The following CCDC18 variants were observed in gnomAD, a reference collection of about 807,000 sequenced individuals.
CCDC18 encodes coiled-coil domain-containing protein 18.
Under a neutral mutation model 196.0 loss-of-function variants are expected in CCDC18, and 157 were observed. That is an observed-to-expected ratio of 0.80 (90% confidence interval 0.70 to 0.91). The LOEUF (loss-of-function observed/expected upper bound fraction) is 0.91. Among genes scored for constraint, CCDC18 ranks in the 40% least tolerant of loss-of-function variants. The pLI, the probability that CCDC18 is intolerant of heterozygous loss-of-function variation, is 0.00. For missense variants in CCDC18, 1,465 were observed against 1,611.6 expected, an observed-to-expected ratio of 0.91 and a Z score of 1.56; for synonymous variants, 482 against 529.2, an observed-to-expected ratio of 0.91 and a Z score of 1.22.
upstream of CCDC18, chr1:93,180,593 T>G (rs762729646): frequency 8.0e-6 from 11 of 1,376,462 alleles, no homozygotes; most frequent in Non-Finnish European, 1.1e-5. Flanking sequence ...CCGGGCGGGC[T>G]CCGCTAGTGG....
At chr1:93,221,352 T>C (rs1338878905) in intron 14 of CCDC18, among the ~76,000 whole-genome samples, 1 of 152,178 alleles carries the variant, frequency 6.6e-6, no homozygotes, top group Admixed American at 6.5e-5. Context: ...CATTGTGGTT[T>C]CGATTTGCAT....
chr1:93,194,599 T>C (rs1012953153), intron 6 of CCDC18, among the ~76,000 whole-genome samples: 1 of 152,108 alleles, frequency 6.6e-6, no homozygotes, highest in Non-Finnish European at 1.5e-5. Context: ...TTGATATGGA[T>C]AGAAATGAAG....
chr1:93,266,130 AT>A (rs1664470665), intron 27 of CCDC18, among the ~76,000 whole-genome samples: 1 of 152,238 alleles, frequency 6.6e-6, no homozygotes, highest in Admixed American at 6.5e-5. Flanking sequence ...AGAACTCAGG[AT>A]TAAGAAACTC....
At chr1:93,240,183 T>A (rs1249794679) in intron 21 of CCDC18, among the ~76,000 whole-genome samples, 1 of 152,200 alleles carries the variant, frequency 6.6e-6, no homozygotes, top group Non-Finnish European at 1.5e-5. Context: ...ATAATGATAA[T>A]ATTGTTCTTT....
At chr1:93,198,420 T>C (rs529040025) in intron 6 of CCDC18, among the ~76,000 whole-genome samples, 1 of 152,286 alleles carries the variant, frequency 6.6e-6, no homozygotes, top group African/African-American at 2.4e-5. Context: ...AAAATTAACA[T>C]ATGTTGTTAA....
chr1:93,230,540 A>G (rs1024224662), intron 17 of CCDC18, among the ~76,000 whole-genome samples: 6 of 152,092 alleles, frequency 3.9e-5, no homozygotes, highest in Non-Finnish European at 8.8e-5. Flanking sequence ...AGGTCAGTAC[A>G]ATGAAATGTC....
intron 6 of CCDC18, among the ~76,000 whole-genome samples, chr1:93,196,229 GA>G (rs1330229402): frequency 6.6e-6 from 1 of 152,098 alleles, no homozygotes; most frequent in African/African-American, 2.4e-5. Context: ...AGGTTAAGGT[GA>G]AAGGGATTGC....
At position 93,217,858 on chromosome 1, in the gene CCDC18, C is replaced by T; in HGVS notation, c.1951C>T (p.Gln651Ter). 1 of 1,609,504 alleles carries T rather than the reference C, an allele frequency of 6.2e-7. No individual in the cohort carries two copies. Among genetic ancestry groups the T allele is most frequent in the Non-Finnish European group, 8.5e-7 (1 of 1,177,448 alleles). ...HLEQHKEMEK[Q>*]IERLEAQLEK... is the part of the protein sequence containing the mutation. ...GGAACAGCATAAAGAAATGGAAAAG[C>T]AGATTGAAAGAGTAAGTAATACATA... The change falls in exon 14 of 29, where the codon CAG (glutamine) becomes TAG (stop). Residue 651 changes from glutamine to a stop codon, truncating the protein, a stop_gained. Transcript: ENST00000690025. LOFTEE classifies it high-confidence loss of function.
upstream of CCDC18, chr1:93,180,368 C>CGAG (rs1649309475): frequency 2.3e-6 from 3 of 1,315,834 alleles, no homozygotes; most frequent in African/African-American, 4.6e-5. Flanking sequence ...AGGTGGCGGC[C>CGAG]GCGGCGGCGG....
intron 18 of CCDC18, among the ~76,000 whole-genome samples, chr1:93,235,669 T>TA (rs993870653): frequency 3.3e-5 from 5 of 152,036 alleles, no homozygotes; most frequent in African/African-American, 1.2e-4. Flanking sequence ...ATGCTAATAT[T>TA]AAAAAAACAG....
At chr1:93,269,854 T>A (rs1665060374) in intron 27 of CCDC18, 1 of 152,222 alleles carries the variant, frequency 6.6e-6, no homozygotes, top group Non-Finnish European at 1.5e-5. Context: ...TATTAAAAAT[T>A]TATCACTTTA....
chr1:93,242,224 G>C (rs1660891621), intron 21 of CCDC18, among the ~76,000 whole-genome samples: 2 of 152,104 alleles, frequency 1.3e-5, no homozygotes, highest in Non-Finnish European at 2.9e-5. Flanking sequence ...CCTGAGACTG[G>C]GCAATTCACC....
chr1:93,255,781 A>G (rs1410587339), intron 24 of CCDC18, among the ~76,000 whole-genome samples: 1 of 146,892 alleles, frequency 6.8e-6, no homozygotes, highest in Non-Finnish European at 1.5e-5. Flanking sequence ...AAGAGGAAGA[A>G]GAGGAAGAAG....
intron 25 of CCDC18, 99 bp downstream of exon 25, chr1:93,256,637 T>C (rs1662998821): frequency 1.1e-6 from 1 of 948,070 alleles, no homozygotes; most frequent in South Asian, 1.6e-5. Context: ...ATGAACTGTA[T>C]TGCACAACAG....
intron 13 of CCDC18, 135 bp downstream of exon 13, chr1:93,216,881 C>T (rs1471850556): frequency 2.6e-5 from 12 of 460,766 alleles, no homozygotes; most frequent in Non-Finnish European, 3.9e-5. Flanking sequence ...CTGATCATTT[C>T]TTGTTTATAT....
chr1:93,255,751 AGAAGAGGAAGAAGAGGAG>A (rs1053765317), intron 24 of CCDC18, among the ~76,000 whole-genome samples: 6 of 143,958 alleles, frequency 4.2e-5, no homozygotes, highest in Non-Finnish European at 6.0e-5. Flanking sequence ...AAGAAGAGGA[AGAAGAGGAAGAAGAGGAG>A]GAAGAGGAAG....
chr1:93,252,857 T>A (rs1662449150), intron 23 of CCDC18, among the ~76,000 whole-genome samples: 1 of 152,218 alleles, frequency 6.6e-6, no homozygotes, highest in South Asian at 2.1e-4. Flanking sequence ...ATAATCTACA[T>A]CCAGGCTTGC....
chr1:93,186,100 A>G (rs1239724141), intron 3 of CCDC18, among the ~76,000 whole-genome samples: 3 of 151,902 alleles, frequency 2.0e-5, no homozygotes, highest in South Asian at 2.1e-4. Context: ...TTTGCTGGAT[A>G]ATACCAGCCA....
intron 26 of CCDC18, among the ~76,000 whole-genome samples, chr1:93,261,460 A>G (rs890534873): frequency 6.6e-6 from 1 of 152,188 alleles, no homozygotes; most frequent in African/African-American, 2.4e-5. Context: ...AAGGAATGCT[A>G]TAGTAATTAC....
Sources: allele counts gnomAD v4.1 joint callset (sites outside exome capture counted in the v4.1 genomes callset), GRCh38; gene constraint gnomAD v4.1.1; transcripts MANE v1.5; gene names NCBI Gene and HGNC (gene_info 2026-07-23, HGNC 2026-07-21).